LRBA: variants seen among roughly 807,000 people sequenced by gnomAD.
LRBA encodes LPS responsive beige-like anchor protein, also known as lipopolysaccharide-responsive and beige-like anchor protein.
Under a neutral mutation model 330.0 loss-of-function variants are expected in LRBA, and 176 were observed. The observed-to-expected ratio is 0.53, with a 90% CI of 0.47 to 0.60. LRBA has a LOEUF of 0.60. Ranked by LOEUF, LRBA falls within the 20% of genes least tolerant of loss-of-function variation. LRBA has a pLI of 0.00. For synonymous variants in LRBA, 1,230 were observed against 1,193.0 expected (o/e 1.03, Z -0.64); for missense variants, 3,259 against 3,444.8 (o/e 0.95, Z 1.35).
At position 150,661,856 on chromosome 4, in the gene LRBA, G is replaced by A. The variant is rs139285469; in HGVS notation, c.5921+21695C>T. 1.6e-4 allele frequency among the ~76,000 whole-genome samples: 24 copies of A among 152,182 alleles called. No homozygotes were observed. The East Asian group carries it at 4.3e-3, about 27-fold the overall frequency. Reference sequence around the variant, plus strand: ...CAGGCTGGTCTCGAACTGACCTCAAGTGATCCACGAGCATCGGCCTCCCAA... The same window carrying A: ...CAGGCTGGTCTCGAACTGACCTCAAATGATCCACGAGCATCGGCCTCCCAA... On this transcript the variant is annotated intron_variant, in intron 37 of 56. Transcript: ENST00000651943.
intron 36 of LRBA, among the ~76,000 whole-genome samples, chr4:150,728,454 C>T (rs534658977): frequency 1.3e-5 from 2 of 152,022 alleles, no homozygotes; most frequent in South Asian, 2.1e-4. Context: ...CAAGAAAATA[C>T]TAGCAAGCTG....
chr4:150,538,935 T>C (rs904760703), intron 40 of LRBA, among the ~76,000 whole-genome samples: 35 of 152,094 alleles, frequency 2.3e-4, no homozygotes, highest in East Asian at 7.7e-4. Flanking sequence ...AACCTGCACA[T>C]GTAGCCTCTG....
intron 28 of LRBA, among the ~76,000 whole-genome samples, chr4:150,836,754 T>G (rs1237392261): frequency 2.6e-5 from 4 of 152,186 alleles, no homozygotes; most frequent in Non-Finnish European, 2.9e-5. Context: ...AGCTCCTGGA[T>G]TCATTGATTT....
chr4:150,332,355 G>A (rs1448039031), intron 48 of LRBA, among the ~76,000 whole-genome samples: 5 of 152,148 alleles, frequency 3.3e-5, no homozygotes. Flanking sequence ...CACCCAGACT[G>A]TTGCTGTCCC....
At chr4:150,692,819 A>C (rs1784255641) in intron 36 of LRBA, among the ~76,000 whole-genome samples, 1 of 152,250 alleles carries the variant, frequency 6.6e-6, no homozygotes, top group African/African-American at 2.4e-5. Context: ...GCTGAATAAT[A>C]AAGAACAATT....
At chr4:150,887,480 C>T (rs1729057647) in intron 17 of LRBA, among the ~76,000 whole-genome samples, 2 of 151,988 alleles carry the variant, frequency 1.3e-5, no homozygotes, top group South Asian at 4.1e-4. Context: ...CGGCCGGGAG[C>T]AGTGGCTCAC....
chr4:150,614,499 C>A (rs1056754345), intron 37 of LRBA, among the ~76,000 whole-genome samples: 4 of 152,048 alleles, frequency 2.6e-5, no homozygotes, highest in Non-Finnish European at 5.9e-5. Context: ...TTTATTGAAA[C>A]TTGCCTAAAA....
chr4:150,717,675 G>GTAATAATAATAGTAATAA (rs1728403975), intron 36 of LRBA, among the ~76,000 whole-genome samples: 1 of 139,778 alleles, frequency 7.2e-6, no homozygotes. Flanking sequence ...AACAATAATA[G>GTAATAATAATAGTAATAA]TAATAATAAT....
At chr4:150,826,919 A>C (rs1291648605) in intron 30 of LRBA, among the ~76,000 whole-genome samples, 1 of 152,210 alleles carries the variant, frequency 6.6e-6, no homozygotes, top group Non-Finnish European at 1.5e-5. Flanking sequence ...TGAAACAATA[A>C]ATTCCTCCTA....
At chr4:150,420,321 G>GCACATTATAGTATAAAGTATAAATA (rs1561150418) in intron 46 of LRBA, among the ~76,000 whole-genome samples, 13 of 122,774 alleles carry the variant, frequency 1.1e-4, no homozygotes, top group African/African-American at 4.8e-4. Flanking sequence ...TATATATAAT[G>GCACATTATAGTATAAAGTATAAATA]CACATTATAG....
rs539664090 is a variant in LRBA at position 150,522,147 on chromosome 4, G to A, written c.6331-31112C>T. Among the ~76,000 whole-genome samples the A allele has an allele frequency of 9.2e-5, 14 of 151,968 alleles. No homozygotes were observed. The South Asian group carries it at 1.5e-3, about 16-fold the overall frequency. ...CTAAAACCAAACCTGAGTTCTTTTC[G>A]GGGCCCCAAGGATGGTGTCATCTAT... On this transcript the variant is annotated intron_variant, in intron 40 of 56. Transcript: ENST00000651943.
chr4:150,265,729 C>T lies in LRBA; in HGVS notation c.8552G>A (p.Arg2851His), dbSNP rs112101490. The change falls in exon 57 of 57, where the codon CGC (arginine) becomes CAC (histidine). Residue 2851 changes from arginine (R) to histidine (H), a missense_variant. Arg to His is a conservative substitution (Grantham distance 29). Transcript: ENST00000651943. ...FNRWHHEYQTRY is the reference protein window; with the variant it reads ...FNRWHHEYQTHY ...GATGTACAGCTGTCACCATCAGTAG[C>T]GGGTTTGGTATTCATGATGCCACCG... 3.6e-5 allele frequency: 58 copies of T among 1,608,202 alleles called. No homozygotes were observed. Among genetic ancestry groups the T allele is most frequent in the South Asian group, 7.7e-5 (7 of 90,948 alleles).
rs1049489296 is a variant in LRBA, at chr4:150,816,982, C to T, written c.5305+142G>A. ...TCTTTTAATTTTACTCAAATTTATT[C>T]AGAAAAGTAGTAAACAATCAACAGT... On this transcript the variant is annotated intron_variant, in intron 31 of 56. Transcript: ENST00000651943. 6.5e-5 allele frequency: 43 copies of T among 661,750 alleles called. No homozygotes were observed. The African/African-American group carries it at 7.1e-4, about 11-fold the overall frequency. The allele number at this position is 661,750 out of a possible 1,614,324, so 41.0% of individuals were successfully genotyped here. A position where few individuals can be genotyped will look rare whatever the true frequency, so the allele number is the denominator to read the frequency against.
At position 150,828,478 on chromosome 4, in the gene LRBA, T is replaced by C; in HGVS notation, c.4873A>G (p.Thr1625Ala). 4 of 1,614,138 alleles carry C rather than the reference T, an allele frequency of 2.5e-6. No homozygotes were observed. Among genetic ancestry groups the C allele is most frequent in the Non-Finnish European group, 3.4e-6 (4 of 1,179,996 alleles). Residue 1625 changes from threonine to alanine, a missense_variant, in exon 30 of 57, where the codon ACA becomes GCA. Coordinates refer to ENST00000651943, the MANE Select transcript of LRBA (RefSeq NM_001364905.1). ...CCTGCACTGACACCAGGAGGTGCTG[T>C]GTGAGGAGTTACTTCCACATGGCTT... The part of the protein sequence containing the change: ...LGSHVEVTPH[T>A]APPGVSAGPD...
chr4:150,592,946 A>T (rs1379289218), intron 38 of LRBA, among the ~76,000 whole-genome samples: 5 of 151,818 alleles, frequency 3.3e-5, no homozygotes, highest in East Asian at 1.9e-4. Context: ...TTTTTTTTTT[A>T]AAGGCTAAAA....
chr4:150,655,731 G>T (rs1367477501), intron 37 of LRBA, among the ~76,000 whole-genome samples: 3 of 152,090 alleles, frequency 2.0e-5, no homozygotes, highest in Non-Finnish European at 4.4e-5. Flanking sequence ...TTTCACTCAG[G>T]ACAGAAACAA....
At chr4:150,558,885 G>A (rs938432993) in intron 40 of LRBA, among the ~76,000 whole-genome samples, 4 of 152,116 alleles carry the variant, frequency 2.6e-5, no homozygotes, top group Admixed American at 2.6e-4. Context: ...TTGATGAGAA[G>A]CAGGATATTC....
chr4:150,817,305 GAATT>G (rs1212782831), intron 30 of LRBA, 48 bp from the exon 31 acceptor site: 2 of 1,535,034 alleles, frequency 1.3e-6, no homozygotes, highest in South Asian at 1.2e-5. Context: ...TTGATCTCTT[GAATT>G]AATTACATGA....
At chr4:150,524,769 A>G (rs544679731) in intron 40 of LRBA, among the ~76,000 whole-genome samples, 1 of 152,290 alleles carries the variant, frequency 6.6e-6, no homozygotes, top group African/African-American at 2.4e-5. Context: ...TAAACTAGCA[A>G]TTAGTCCCAC....
Sources: allele counts gnomAD v4.1 joint callset (sites outside exome capture counted in the v4.1 genomes callset), GRCh38; gene constraint gnomAD v4.1.1; transcripts MANE v1.5; gene names NCBI Gene and HGNC (gene_info 2026-07-23, HGNC 2026-07-21).